ZNF614: variants seen among roughly 807,000 people sequenced by gnomAD.
The protein encoded by ZNF614 is zinc finger protein 614.
A neutral mutation model predicts 12.8 loss-of-function variants in ZNF614; 11 were observed. That is an observed-to-expected ratio of 0.86 (90% confidence interval 0.54 to 1.43). ZNF614 has a LOEUF of 1.43. ZNF614 is among the 40% of genes most tolerant of loss of function. The probability of loss-of-function intolerance (pLI) is 0.00; values close to 1 mark genes in which losing one functional copy is unlikely to be tolerated. For synonymous variants in ZNF614, 237 were observed against 237.5 expected, an observed-to-expected ratio of 1.00 and a Z score of 0.02; for missense variants, 664 against 708.8, an observed-to-expected ratio of 0.94 and a Z score of 0.72.
Position 52,015,877 on chromosome 19 carries a change from G to A in ZNF614, c.1721C>T (p.Ser574Phe), listed in dbSNP as rs368979195. The change falls in exon 5 of 5, where the codon TCC (serine) becomes TTC (phenylalanine). Residue 574 changes from serine to phenylalanine, a missense_variant. By Grantham distance (155) the Ser-to-Phe change is radical. Coordinates refer to ENST00000270649, the MANE Select transcript of ZNF614 (RefSeq NM_025040.4). ...EMGRISQVENSCNGESQLLPY... is the reference protein window; with the variant it reads ...EMGRISQVENFCNGESQLLPY... ...AAGGAGCTGTGACTCTCCATTACAG[G>A]AGTTTTCAACTTGACTGATTCTACC... 37 of 1,613,736 alleles carry A rather than the reference G, an allele frequency of 2.3e-5. No homozygotes were observed. The highest frequency in any genetic ancestry group is 3.1e-5 in the Non-Finnish European group (36 of 1,179,870).
At position 52,017,111 on chromosome 19, in the gene ZNF614, T is replaced by C. The variant is rs1227697053; in HGVS notation, c.487A>G (p.Lys163Glu). The stretch of plus-strand genomic sequence containing the variant: ...TCATGCTTACCATGTAGAAGTGTTT[T>C]CTCACCTCCAATAAACTCAACAGGG... The part of the protein sequence containing the change: ...NNPVEFIGGE[K>E]TLLHGKHERT... The change falls in exon 5 of 5, where the codon AAA becomes GAA. Residue 163 changes from lysine to glutamate, a missense_variant. Lys to Glu is a moderately conservative substitution (Grantham distance 56). Transcript: ENST00000270649. 4.3e-6 allele frequency: 7 copies of C among 1,614,244 alleles called. No homozygotes were observed. Among genetic ancestry groups the C allele is most frequent in the Non-Finnish European group, 5.9e-6 (7 of 1,180,038 alleles).
At chr19:52,024,343 G>A (rs1384816939) in intron 2 of ZNF614, among the ~76,000 whole-genome samples, 1 of 152,154 alleles carries the variant, frequency 6.6e-6, no homozygotes, top group Non-Finnish European at 1.5e-5. Context: ...GGGCAGTATT[G>A]TGGGACTGAG....
chr19:52,023,384 G>A (rs1226580687), intron 2 of ZNF614, among the ~76,000 whole-genome samples: 1 of 151,990 alleles, frequency 6.6e-6, no homozygotes, highest in African/African-American at 2.4e-5. Flanking sequence ...GGCCAGGATG[G>A]TCTCGATCTC....
Position 52,016,876 on chromosome 19 carries a change from GATA to G in ZNF614, c.719_721del (p.Leu240del). 1 of 1,614,088 alleles carries G rather than the reference GATA, an allele frequency of 6.2e-7. No individual in the cohort carries two copies. Among genetic ancestry groups the G allele is most frequent in the Non-Finnish European group, 8.5e-7 (1 of 1,179,994 alleles). On this transcript the variant is annotated inframe_deletion, in exon 5 of 5. Transcript: ENST00000270649. ...ATGCTTAGTGAACAGGACACTTCTG[GATA>G]ATTTCTCACATTGACCACTTCCAGG...
chr19:52,018,125 C>T (rs373900121), intron 3 of ZNF614, 22 bp from the exon 4 acceptor site: 5 of 1,597,040 alleles, frequency 3.1e-6, no homozygotes, highest in African/African-American at 2.7e-5. Flanking sequence ...GAAAGACAAA[C>T]ACAAACATCC....
At chr19:52,018,660 T>G (rs1195866860) in intron 2 of ZNF614, among the ~76,000 whole-genome samples, 166 bp from the exon 3 acceptor site, 1 of 152,192 alleles carries the variant, frequency 6.6e-6, no homozygotes, top group Non-Finnish European at 1.5e-5. Context: ...TAGCGCCTAT[T>G]TCTAAATATT....
chr19:52,016,793 T>G lies in ZNF614; in HGVS notation c.805A>C (p.Thr269Pro), dbSNP rs1432149352. 6.2e-7 allele frequency: 1 copy of G among 1,613,862 alleles called. No homozygotes were observed. Among genetic ancestry groups the G allele is most frequent in the Non-Finnish European group, 8.5e-7 (1 of 1,180,036 alleles). Residue 269 changes from threonine to proline, a missense_variant, in exon 5 of 5, where the codon ACT becomes CCT. Transcript: ENST00000270649. ...CIPNEYRKGS[T>P]VKSSLITHQQ... ...TGTGTAATGAGACTACTCTTCACAGTAGAGCCTTTTCTATATTCATTGGGT... is the reference window on the plus strand; with the variant it reads ...TGTGTAATGAGACTACTCTTCACAGGAGAGCCTTTTCTATATTCATTGGGT...
chr19:52,020,081 T>C (rs1568514805), intron 2 of ZNF614, among the ~76,000 whole-genome samples: 1 of 152,226 alleles, frequency 6.6e-6, no homozygotes, highest in East Asian at 1.9e-4. Context: ...AGGCCAACTC[T>C]AAGGTGTCCT....
chr19:52,019,503 G>A (rs2086921362), intron 2 of ZNF614, among the ~76,000 whole-genome samples: 2 of 152,172 alleles, frequency 1.3e-5, no homozygotes, highest in Non-Finnish European at 2.9e-5. Context: ...CACAACTGGT[G>A]TGACACATCA....
chr19:52,013,801 T>TA lies in ZNF614; in HGVS notation c.*2038dup, dbSNP rs1242559653. The TA allele has an allele frequency of 6.6e-6, 1 of 152,126 alleles. No homozygotes were observed. The highest frequency in any genetic ancestry group is 2.4e-5 in the African/African-American group (1 of 41,440). The allele number at this position is 152,126 out of a possible 1,614,324, so 9.4% of individuals were successfully genotyped here. A position where few individuals can be genotyped will look rare whatever the true frequency, so the allele number is the denominator to read the frequency against. ...AATCTGTACATGTAATACAACTTCT[T>TA]AGAGTACAAACTAAAAAAGAAAAAA... On this transcript the variant is annotated 3_prime_UTR_variant, in exon 5 of 5. Transcript: ENST00000270649.
rs1470536711 is a variant in ZNF614, at chr19:52,015,676, G to A, written c.*164C>T. On this transcript the variant is annotated 3_prime_UTR_variant, in exon 5 of 5. Coordinates refer to ENST00000270649, the MANE Select transcript of ZNF614 (RefSeq NM_025040.4). ...CTGTATTCATCAAATTGATCTCTAG[G>A]GCAAATTATTTCACCTCCTGAGGAC... The A allele has an allele frequency of 1.6e-6, 1 of 644,510 alleles. No homozygotes were observed. Among genetic ancestry groups the A allele is most frequent in the African/African-American group, 1.8e-5 (1 of 55,102 alleles). 39.9% of individuals were successfully genotyped at this position (644,510 alleles called of 1,614,324 possible).
At position 52,013,914 on chromosome 19, in the gene ZNF614, T is replaced by C. The variant is rs1219106578; in HGVS notation, c.*1926A>G. 6.6e-6 allele frequency: 1 copy of C among 152,220 alleles called. No individual in the cohort carries two copies. The highest frequency in any genetic ancestry group is 1.5e-5 in the Non-Finnish European group (1 of 68,030). The allele number at this position is 152,220 out of a possible 1,614,324, so 9.4% of individuals were successfully genotyped here. A position where few individuals can be genotyped will look rare whatever the true frequency, so the allele number is the denominator to read the frequency against. ...TTTTTCTGGTTTTGATAATTATGGT[T>C]ATATAGGATATTTTTACTAGAAATT... On this transcript the variant is annotated 3_prime_UTR_variant, in exon 5 of 5. Transcript: ENST00000270649.
At chr19:52,022,364 A>C (rs1600038126) in intron 2 of ZNF614, among the ~76,000 whole-genome samples, 1 of 150,294 alleles carries the variant, frequency 6.7e-6, no homozygotes, top group Admixed American at 6.6e-5. Context: ...AGTGAGGAGC[A>C]CCTCTGCCCG....
At chr19:52,026,616 C>G (rs2086975190) in intron 1 of ZNF614, among the ~76,000 whole-genome samples, 1 of 152,150 alleles carries the variant, frequency 6.6e-6, no homozygotes. Context: ...CCGTCCCCTA[C>G]CCCGACACCT....
rs1349122912 is a variant in ZNF614 at position 52,015,152 on chromosome 19, G to T, written c.*688C>A. The T allele has an allele frequency of 1.3e-5, 2 of 149,696 alleles. No homozygotes were observed. The highest frequency in any genetic ancestry group is 3.0e-5 in the Non-Finnish European group (2 of 67,278). The allele number at this position is 149,696 out of a possible 1,614,324, so 9.3% of individuals were successfully genotyped here. A position where few individuals can be genotyped will look rare whatever the true frequency, so the allele number is the denominator to read the frequency against. ...TTAAGGTTATACTTATTAAGAAAAAGCACTCAAATATTCATCATTTTCACC... is the reference window on the plus strand; with the variant it reads ...TTAAGGTTATACTTATTAAGAAAAATCACTCAAATATTCATCATTTTCACC... On this transcript the variant is annotated 3_prime_UTR_variant, in exon 5 of 5. Transcript: ENST00000270649.
chr19:52,020,465 T>C (rs2086926370), intron 2 of ZNF614, among the ~76,000 whole-genome samples: 1 of 152,258 alleles, frequency 6.6e-6, no homozygotes, highest in African/African-American at 2.4e-5. Context: ...CATGGAATCC[T>C]TGGTGGCATT....
chr19:52,018,735 A>G (rs570050529), intron 2 of ZNF614, among the ~76,000 whole-genome samples: 2 of 152,308 alleles, frequency 1.3e-5, no homozygotes, highest in East Asian at 1.9e-4. Flanking sequence ...TTCACAACCA[A>G]TATAAGGATC....
chr19:52,017,746 G>C (rs990824113), intron 4 of ZNF614: 4 of 387,476 alleles, frequency 1.0e-5, no homozygotes, highest in African/African-American at 6.3e-5. Context: ...TTTGCTGGGG[G>C]CTGGCTCTTT....
At chr19:52,025,468 T>C (rs1389184957) in intron 2 of ZNF614, among the ~76,000 whole-genome samples, 5 of 152,038 alleles carry the variant, frequency 3.3e-5, no homozygotes, top group East Asian at 1.9e-4. Flanking sequence ...GGATTACAGG[T>C]GTGCACCACC....
Sources: allele counts gnomAD v4.1 joint callset (sites outside exome capture counted in the v4.1 genomes callset), GRCh38; gene constraint gnomAD v4.1.1; transcripts MANE v1.5; gene names NCBI Gene and HGNC (gene_info 2026-07-23, HGNC 2026-07-21).